PIEZO1: variants seen among roughly 807,000 people sequenced by gnomAD.
The protein encoded by PIEZO1 is piezo-type mechanosensitive ion channel component 1.
A neutral mutation model predicts 297.2 loss-of-function variants in PIEZO1; 296 were observed. That is an observed-to-expected ratio of 1.00 (90% CI 0.91 to 1.10). The LOEUF (loss-of-function observed/expected upper bound fraction) is 1.10. PIEZO1 is among the 50% of genes least tolerant of loss of function. The probability of loss-of-function intolerance (pLI) is 0.00; values close to 1 mark genes in which losing one functional copy is unlikely to be tolerated. For missense variants in PIEZO1, 5,018 were observed against 3,455.5 expected, an observed-to-expected ratio of 1.45 and a Z score of -11.34; for synonymous variants, 2,427 against 1,507.5, an observed-to-expected ratio of 1.61 and a Z score of -14.13.
chr16:88,734,162 G>T, intron 16 of PIEZO1, 108 bp from the exon 17 acceptor site: 1 of 1,382,484 alleles, frequency 7.2e-7, no homozygotes. Flanking sequence ...TGCCAGTTCA[G>T]GTGCACAGCT....
chr16:88,726,389 T>G lies in PIEZO1; in HGVS notation c.3863A>C (p.Asp1288Ala). The change falls in exon 27 of 51, where the codon GAC becomes GCC. Residue 1288 changes from aspartate to alanine, a missense_variant. Coordinates refer to ENST00000301015, the MANE Select transcript of PIEZO1 (RefSeq NM_001142864.4). ...LPVEEAGIIW[D>A]SVCFFFLLLQ... ...CAGCAGGAAGAAGAAGCAGACGCTG[T>G]CCCAGATGATGCCAGCCTCCTCCAC... is the stretch of plus-strand genomic sequence containing the variant. The G allele has an allele frequency of 6.4e-7, 1 of 1,550,448 alleles. No individual in the cohort carries two copies. Among genetic ancestry groups the G allele is most frequent in the Non-Finnish European group, 8.7e-7 (1 of 1,146,914 alleles).
At position 88,734,747 on chromosome 16, in the gene PIEZO1, C is replaced by T; in HGVS notation, c.1900G>A (p.Val634Met). Residue 634 changes from valine (V) to methionine (M), a missense_variant, in exon 15 of 51, where the codon GTG (valine) becomes ATG (methionine). Val to Met is a conservative substitution (Grantham distance 21, BLOSUM62 1). Coordinates refer to ENST00000301015, the MANE Select transcript of PIEZO1 (RefSeq NM_001142864.4). ...ATGAGGACCAGCATGGTGTAGGCCACCACGAGCCACCAGAAGGCCTTGAGC... is the reference window on the plus strand; with the variant it reads ...ATGAGGACCAGCATGGTGTAGGCCATCACGAGCCACCAGAAGGCCTTGAGC... ...KLLKAFWWLV[V>M]AYTMLVLIAV... 1 of 1,550,304 alleles carries T rather than the reference C, an allele frequency of 6.5e-7. No individual in the cohort carries two copies. Among genetic ancestry groups the T allele is most frequent in the Non-Finnish European group, 8.7e-7 (1 of 1,146,890 alleles).
chr16:88,733,062 C>T, intron 19 of PIEZO1: 2 of 592,686 alleles, frequency 3.4e-6, no homozygotes, highest in East Asian at 5.6e-5. Flanking sequence ...GGACTCCGCC[C>T]CTACTGGACA....
intron 1 of PIEZO1, among the ~76,000 whole-genome samples, chr16:88,777,957 G>A (rs1907741828): frequency 5.9e-5 from 9 of 152,252 alleles, no homozygotes; most frequent in Admixed American, 5.2e-4. Flanking sequence ...GCAAACCTGC[G>A]TCTGTCCCTC....
At chr16:88,737,433 C>T (rs1299622282) in intron 10 of PIEZO1, 126 bp downstream of exon 10, 3 of 653,404 alleles carry the variant, frequency 4.6e-6, no homozygotes, top group Non-Finnish European at 7.7e-6. Context: ...GTCCTGGGCC[C>T]CCGAGGGGGC....
chr16:88,749,422 A>T lies in PIEZO1; in HGVS notation c.122T>A (p.Leu41Gln), dbSNP rs1357430753. 6.6e-7 allele frequency: 1 copy of T among 1,519,698 alleles called. No homozygotes were observed. The highest frequency in any genetic ancestry group is 1.4e-5 in the African/African-American group (1 of 71,910). The allele number at this position is 1,519,698 out of a possible 1,614,324, so 94.1% of individuals were successfully genotyped here. A position where few individuals can be genotyped will look rare whatever the true frequency, so the allele number is the denominator to read the frequency against. ...SLVYLLFLLL[L>Q]PWFPGPTRCG... ...TCGGGTGGGGCCGGGGAACCAGGGC[A>T]GCAGCAGCAGGAAGAGCAGGTAGAC... The change falls in exon 2 of 51, where the codon CTG (leucine) becomes CAG (glutamine). Residue 41 changes from leucine (L) to glutamine (Q), a missense_variant. Coordinates refer to ENST00000301015, the MANE Select transcript of PIEZO1 (RefSeq NM_001142864.4).
Position 88,738,123 on chromosome 16 carries a change from G to A in PIEZO1, c.849-18C>T, listed in dbSNP as rs1157906690. 9.8e-6 allele frequency: 15 copies of A among 1,535,612 alleles called. No homozygotes were observed. The highest frequency in any genetic ancestry group is 2.0e-5 in the Admixed American group (1 of 50,984). ...CCAGCACCCTGTCCAGAGAAGACCC[G>A]TCACAGCCTACCACCCCAGAGGCAG... On this transcript the variant is annotated intron_variant, in intron 7 of 50. Transcript: ENST00000301015.
Position 88,735,173 on chromosome 16 carries a change from G to C in PIEZO1, c.1631C>G (p.Ser544Cys), listed in dbSNP as rs766962686. 1.3e-6 allele frequency: 2 copies of C among 1,550,246 alleles called. No homozygotes were observed. The highest frequency in any genetic ancestry group is 1.4e-5 in the African/African-American group (1 of 73,074). Residue 544 changes from serine to cysteine, a missense_variant, in exon 13 of 51, where the codon TCT (serine) becomes TGT (cysteine). Coordinates refer to ENST00000301015, the MANE Select transcript of PIEZO1 (RefSeq NM_001142864.4). ...VKEKLLKWAE[S>C]PAALTEVTVA... ...GGTGACCTCCGTCAGCGCAGCTGGA[G>C]ACTCTGCCCACTTCAGCAGCTTCTC...
chr16:88,726,230 C>T lies in PIEZO1; in HGVS notation c.3968+54G>A, dbSNP rs900606510. The T allele has an allele frequency of 1.5e-5, 22 of 1,446,420 alleles. 1 individual carries two copies. Among genetic ancestry groups the T allele is most frequent in the Non-Finnish European group, 2.0e-5 (22 of 1,076,854 alleles). 89.6% of individuals were successfully genotyped at this position (1,446,420 alleles called of 1,614,324 possible). On this transcript the variant is annotated intron_variant, in intron 27 of 50. Coordinates refer to ENST00000301015, the MANE Select transcript of PIEZO1 (RefSeq NM_001142864.4). ...TGAGACAGTGAGGAACCTCCCATTG[C>T]CCCCTCCCAGCCCCAAGACGGGAGC...
intron 35 of PIEZO1, 68 bp downstream of exon 35, chr16:88,722,515 C>T (rs1341205278): frequency 1.8e-5 from 26 of 1,432,442 alleles, no homozygotes; most frequent in Admixed American, 1.2e-4. Flanking sequence ...TGGCGAGGGT[C>T]GGGGATGGCT....
chr16:88,725,670 T>G lies in PIEZO1; in HGVS notation c.3983A>C (p.Tyr1328Ser). 6.5e-7 allele frequency: 1 copy of G among 1,545,156 alleles called. No individual in the cohort carries two copies. Among genetic ancestry groups the G allele is most frequent in the Non-Finnish European group, 8.8e-7 (1 of 1,142,170 alleles). The change falls in exon 28 of 51, where the codon TAC becomes TCC. Residue 1328 changes from tyrosine to serine, a missense_variant. Tyr to Ser is a moderately radical substitution (Grantham distance 144). Transcript: ENST00000301015. ...AATGCTCTTGAGGTTGGCAGCGTTG[T>G]AGAGGGCGAAGCCCCTGTAGGGAGG... is the stretch of plus-strand genomic sequence containing the variant. ...ALLASRGFAL[Y>S]NAANLKSIDF...
chr16:88,725,598 C>A lies in PIEZO1; in HGVS notation c.4055G>T (p.Arg1352Ile). Residue 1352 changes from arginine (R) to isoleucine (I), a missense_variant, in exon 28 of 51, where the codon AGA (arginine) becomes ATA (isoleucine). Physicochemically the swap from Arg to Ile is moderately conservative, Grantham distance 97. Transcript: ENST00000301015. Reference sequence around the variant, plus strand: ...TCCCCGCCCCAGAGGCACCTACTGTCTTTTCAGCTGGGCCAGGGACTTCTC... The same window carrying A: ...TCCCCGCCCCAGAGGCACCTACTGTATTTTCAGCTGGGCCAGGGACTTCTC... ...IEEKSLAQLK[R>I]QMERIRAKQE... The A allele has an allele frequency of 1.9e-6, 3 of 1,547,708 alleles. No homozygotes were observed. The highest frequency in any genetic ancestry group is 2.6e-6 in the Non-Finnish European group (3 of 1,144,372).
rs1265483068 is a variant in PIEZO1 at position 88,727,134 on chromosome 16, G to A, written c.3360C>T (p.Arg1120=). ...CAGCCATGCGCTGCCACTCCTCTGT[G>A]CGCTCAGCTGAGAACACCTGCCACT... ...SQQWQVFSAE[R]TEEWQRMAGV... The change falls in exon 24 of 51, where the codon CGC becomes CGT. Residue 1120 remains arginine, a synonymous_variant. Transcript: ENST00000301015. The A allele has an allele frequency of 1.2e-5, 19 of 1,549,898 alleles. No homozygotes were observed. Among genetic ancestry groups the A allele is most frequent in the Non-Finnish European group, 1.7e-5 (19 of 1,146,686 alleles).
rs766731754 is a variant in PIEZO1, at chr16:88,717,123, A to G, written c.6560T>C (p.Ile2187Thr). Residue 2187 changes from isoleucine (I) to threonine (T), a missense_variant, in exon 45 of 51, where the codon ATC becomes ACC. Ile to Thr is a moderately conservative substitution (Grantham distance 89, BLOSUM62 -1). Coordinates refer to ENST00000301015, the MANE Select transcript of PIEZO1 (RefSeq NM_001142864.4). ...GLIILFLIAI[I>T]WFPLLFMSLV... ...CGACATGAAGAGCAGTGGGAACCAGATGATGGCGATGAGGAAGAGGATGAT... is the reference window on the plus strand; with the variant it reads ...CGACATGAAGAGCAGTGGGAACCAGGTGATGGCGATGAGGAAGAGGATGAT... The G allele has an allele frequency of 6.4e-7, 1 of 1,551,286 alleles. No individual in the cohort carries two copies. Among genetic ancestry groups the G allele is most frequent in the African/African-American group, 1.4e-5 (1 of 73,058 alleles).
Position 88,716,229 on chromosome 16 carries a change from G to C in PIEZO1, c.7098C>G (p.Pro2366=), listed in dbSNP as rs922211056. Residue 2366 remains proline (P), a synonymous_variant, in exon 49 of 51, where the codon CCC becomes CCG. Transcript: ENST00000301015. The part of the protein sequence containing the change: ...FPKYIRAPNG[P]EANPVKQLQP... ...GCAGCTGCTTCACAGGGTTGGCTTC[G>C]GGCCCGTTGGGGGCACGGATGTACT... 5.3e-6 allele frequency: 8 copies of C among 1,495,620 alleles called. No homozygotes were observed. In the East Asian group the frequency reaches 1.7e-4, roughly 32 times the overall value. The allele number at this position is 1,495,620 out of a possible 1,614,324, so 92.6% of individuals were successfully genotyped here. A position where few individuals can be genotyped will look rare whatever the true frequency, so the allele number is the denominator to read the frequency against.
At chr16:88,758,810 T>C (rs895442371) in intron 1 of PIEZO1, among the ~76,000 whole-genome samples, 2 of 152,188 alleles carry the variant, frequency 1.3e-5, no homozygotes, top group Non-Finnish European at 2.9e-5. Flanking sequence ...CCTCACAGGA[T>C]TGTCGCAGAG....
Position 88,721,970 on chromosome 16 carries a change from G to A in PIEZO1, c.5052C>T (p.Ala1684=), listed in dbSNP as rs779515731. 1.2e-4 allele frequency: 180 copies of A among 1,549,938 alleles called. No homozygotes were observed. Among genetic ancestry groups the A allele is most frequent in the Admixed American group, 1.4e-4 (7 of 50,992 alleles). ...RLLRAVYQCV[A]AHSELLCYFI... ...AGTAGCAGAGCAGCTCCGAGTGGGCGGCCACACACTGGTACACGGCCCGCA... is the reference window on the plus strand; with the variant it reads ...AGTAGCAGAGCAGCTCCGAGTGGGCAGCCACACACTGGTACACGGCCCGCA... The change falls in exon 37 of 51, where the codon GCC becomes GCT. Residue 1684 remains alanine (A), a synonymous_variant. Coordinates refer to ENST00000301015, the MANE Select transcript of PIEZO1 (RefSeq NM_001142864.4).
chr16:88,755,358 C>T (rs1226837317), intron 1 of PIEZO1, among the ~76,000 whole-genome samples: 1 of 152,240 alleles, frequency 6.6e-6, no homozygotes, highest in Non-Finnish European at 1.5e-5. Flanking sequence ...CACCTACTCC[C>T]TGGCATTCAC....
At chr16:88,762,466 G>C (rs559275776) in intron 1 of PIEZO1, among the ~76,000 whole-genome samples, 1 of 152,142 alleles carries the variant, frequency 6.6e-6, no homozygotes, top group African/African-American at 2.4e-5. Flanking sequence ...CGACAATCCC[G>C]GGGACGGCAG....
Sources: gnomAD v4.1 joint callset for allele counts (sites outside exome capture counted in the v4.1 genomes callset) on GRCh38, gnomAD v4.1.1 for gene constraint, MANE v1.5 for transcripts, NCBI Gene and HGNC (gene_info 2026-07-23, HGNC 2026-07-21) for gene names.